The following KLRC1 variants were observed in gnomAD, a reference collection of about 807,000 sequenced individuals.
KLRC1 encodes NKG2-A/NKG2-B type II integral membrane protein.
Under a neutral mutation model 25.9 loss-of-function variants are expected in KLRC1, and 22 were observed. That is an observed-to-expected ratio of 0.85 (90% CI 0.61 to 1.21). KLRC1 has a LOEUF of 1.21. Ranked by LOEUF, KLRC1 falls within the 50% of genes most tolerant of loss-of-function variation. The pLI is 0.00. For missense variants in KLRC1, 240 were observed against 272.2 expected (o/e 0.88, Z 0.83); for synonymous variants, 77 against 93.1 (o/e 0.83, Z 0.99).
At chr12:10,447,780 T>A (rs1009266613) in intron 5 of KLRC1, 148 bp from the exon 6 acceptor site, 4 of 638,158 alleles carry the variant, frequency 6.3e-6, no homozygotes, top group African/African-American at 3.7e-5. Context: ...TCAATGTTTA[T>A]ACTTAGTACT....
In KLRC1 at chr12:10,446,569, A is replaced by G. The variant is rs764556321; in HGVS notation, c.684T>C (p.His228=). 1.2e-6 allele frequency: 2 copies of G among 1,613,828 alleles called. No individual in the cohort carries two copies. Among genetic ancestry groups the G allele is most frequent in the South Asian group, 2.2e-5 (2 of 91,060 alleles). Residue 228 remains histidine, a synonymous_variant, in exon 7 of 7, where the codon CAT becomes CAC. Coordinates refer to ENST00000359151, the MANE Select transcript of KLRC1 (RefSeq NM_002259.5). ...TTTACCTCTAAAGCTTATGCTTACA[A>G]TGATATATTATTGAAGATCCACACT... ...SAQCGSSIIY[H]CKHKL is the part of the protein sequence containing the mutation.
At chr12:10,444,914 A>ATTTTTTT (rs748521358), downstream of KLRC1, among the ~76,000 whole-genome samples, 1 of 89,106 alleles carries the variant, frequency 1.1e-5, no homozygotes, top group African/African-American at 4.8e-5. Flanking sequence ...ATATGCACTA[A>ATTTTTTT]TTTTTTTTTT....
chr12:10,445,531 C>T (rs1441752959), downstream of KLRC1, among the ~76,000 whole-genome samples: 2 of 152,030 alleles, frequency 1.3e-5, no homozygotes, highest in East Asian at 3.8e-4. Flanking sequence ...ACACACAGAA[C>T]TTTGATTGTA....
downstream of KLRC1, among the ~76,000 whole-genome samples, chr12:10,444,506 A>G (rs2137883319): frequency 6.6e-6 from 1 of 152,312 alleles, no homozygotes; most frequent in South Asian, 2.1e-4. Context: ...ACATGGCAAT[A>G]CCATTATGGT....
At chr12:10,448,045 A>G (rs1328909365) in intron 5 of KLRC1, among the ~76,000 whole-genome samples, 1 of 152,180 alleles carries the variant, frequency 6.6e-6, no homozygotes, top group African/African-American at 2.4e-5. Context: ...GTACCACACC[A>G]TTCTTTAACT....
At chr12:10,451,220 G>A in intron 1 of KLRC1, 33 bp from the exon 2 acceptor site, 1 of 1,371,532 alleles carries the variant, frequency 7.3e-7, no homozygotes, top group Non-Finnish European at 9.8e-7. Context: ...GTTAATAAAT[G>A]GTTTATATAC....
intron 1 of KLRC1, among the ~76,000 whole-genome samples, chr12:10,451,668 T>C (rs1591617316): frequency 6.6e-6 from 1 of 150,686 alleles, no homozygotes; most frequent in East Asian, 2.0e-4. Flanking sequence ...AAAAAAAAGA[T>C]AAATTTTCTG....
At position 10,449,394 on chromosome 12, in the gene KLRC1, T is replaced by G; in HGVS notation, c.338-6A>C. Reference sequence around the variant, plus strand: ...ACAATGGCCACAATGACGTGCTAAATAAAGATATGAATTACTATCTAGACC... The same window carrying G: ...ACAATGGCCACAATGACGTGCTAAAGAAAGATATGAATTACTATCTAGACC... On this transcript the variant is annotated splice_polypyrimidine_tract_variant and splice_region_variant and intron_variant, in intron 4 of 6. Coordinates refer to ENST00000359151, the MANE Select transcript of KLRC1 (RefSeq NM_002259.5). 6.2e-7 allele frequency: 1 copy of G among 1,611,570 alleles called. No individual in the cohort carries two copies. The highest frequency in any genetic ancestry group is 1.1e-5 in the South Asian group (1 of 90,392).
At chr12:10,449,188 T>G (rs1293386783) in intron 5 of KLRC1, 49 bp downstream of exon 5, 1 of 1,608,922 alleles carries the variant, frequency 6.2e-7, no homozygotes, top group Non-Finnish European at 8.5e-7. Flanking sequence ...AAATATATTA[T>G]CGACCGAAAG....
Position 10,448,308 on chromosome 12 carries a change from G to A in KLRC1, c.490-676C>T, listed in dbSNP as rs146609670. Among the ~76,000 whole-genome samples the A allele has an allele frequency of 6.6e-3, 1,006 of 152,268 alleles. 2 individuals are homozygous for A. The highest frequency in any genetic ancestry group is 9.8e-3 in the Non-Finnish European group (668 of 68,000). On this transcript the variant is annotated intron_variant, in intron 5 of 6. Transcript: ENST00000359151. The stretch of plus-strand genomic sequence containing the variant: ...TAAGTCCTCCACACGACAGAAGAAG[G>A]TGACCTAGGCCTGCTGTTTCCCTAC...
Position 10,447,553 on chromosome 12 carries a change from T to C in KLRC1, c.569A>G (p.Asn190Ser). ...TTACTCATGTTTGAAAGCCAAACCATTCATTGTCACCCATGGATGATGACT... is the reference window on the plus strand; with the variant it reads ...TTACTCATGTTTGAAAGCCAAACCACTCATTGTCACCCATGGATGATGACT... ...NSSHHPWVTM[N>S]GLAFKHEIKD... Residue 190 changes from asparagine to serine, a missense_variant, in exon 6 of 7, where the codon AAT (asparagine) becomes AGT (serine). Physicochemically the swap from Asn to Ser is conservative, Grantham distance 46. Coordinates refer to ENST00000359151, the MANE Select transcript of KLRC1 (RefSeq NM_002259.5). 1.2e-6 allele frequency: 2 copies of C among 1,609,970 alleles called. No homozygotes were observed.
chr12:10,449,152 TACCCACAC>T, intron 5 of KLRC1, 77 bp downstream of exon 5: 2 of 1,539,564 alleles, frequency 1.3e-6, no homozygotes, highest in Non-Finnish European at 1.8e-6. Flanking sequence ...TAAATGTATA[TACCCACAC>T]ATATGGATGA....
intron 5 of KLRC1, 62 bp downstream of exon 5, chr12:10,449,175 T>C: frequency 6.2e-7 from 1 of 1,603,092 alleles, no homozygotes; most frequent in South Asian, 1.1e-5. Context: ...GGATGATTTC[T>C]ACAAATATAT....
chr12:10,445,163 C>T (rs377193076), downstream of KLRC1, among the ~76,000 whole-genome samples: 90 of 151,872 alleles, frequency 5.9e-4, no homozygotes, highest in Admixed American at 1.2e-3. Flanking sequence ...CCTGATCCAC[C>T]GGCCTCAGTC....
At chr12:10,454,579 T>C (rs1864179333), upstream of KLRC1, 1 of 984,338 alleles carries the variant, frequency 1.0e-6, no homozygotes, top group South Asian at 4.7e-5. Context: ...CACAGAGACT[T>C]CCTGGGAGAC....
At chr12:10,445,146 T>C (rs1398298002), downstream of KLRC1, among the ~76,000 whole-genome samples, 3 of 151,792 alleles carry the variant, frequency 2.0e-5, no homozygotes, top group African/African-American at 7.3e-5. Flanking sequence ...TCTCAATCTC[T>C]TGACCTCCTG....
At chr12:10,449,468 T>C in intron 4 of KLRC1, 80 bp from the exon 5 acceptor site, 1 of 1,570,382 alleles carries the variant, frequency 6.4e-7, no homozygotes, top group Non-Finnish European at 8.6e-7. Context: ...TGCAAACATA[T>C]AAACCTATAC....
chr12:10,450,576 A>C lies in KLRC1; in HGVS notation c.191T>G (p.Leu64Ter), dbSNP rs201485042. Residue 64 changes from leucine (L) to a stop codon, truncating the protein, a stop_gained, in exon 3 of 7, where the codon TTA becomes TGA. Coordinates refer to ENST00000359151, the MANE Select transcript of KLRC1 (RefSeq NM_002259.5). LOFTEE classifies it high-confidence loss of function. The stretch of plus-strand genomic sequence containing the variant: ...AATGAGCTTCTCTGGAGCTGATGGT[A>C]AATCTGCAGGGAGAGAAATGGGAAC... ...GNDKTYHCKD[L>*]PSAPEKLIVG... 2 of 1,596,806 alleles carry C rather than the reference A, an allele frequency of 1.3e-6. No individual in the cohort carries two copies. Among genetic ancestry groups the C allele is most frequent in the Non-Finnish European group, 1.7e-6 (2 of 1,164,400 alleles).
intron 5 of KLRC1, among the ~76,000 whole-genome samples, chr12:10,448,228 GA>G (rs1241585253): frequency 6.6e-6 from 1 of 152,206 alleles, no homozygotes; most frequent in Non-Finnish European, 1.5e-5. Context: ...AGAGAAAGAT[GA>G]AATTGTCTGG....
Sources: allele counts gnomAD v4.1 joint callset (sites outside exome capture counted in the v4.1 genomes callset), GRCh38; gene constraint gnomAD v4.1.1; transcripts MANE v1.5; gene names NCBI Gene and HGNC (gene_info 2026-07-23, HGNC 2026-07-21).